Variants in TLCD3B observed in about 807,000 individuals in gnomAD.
TLCD3B encodes the protein TLC domain containing 3B, also known as ceramide synthase.
Under a neutral mutation model 23.0 loss-of-function variants are expected in TLCD3B, and 9 were observed. The observed-to-expected ratio is 0.39, with a 90% CI of 0.24 to 0.68. The LOEUF (loss-of-function observed/expected upper bound fraction) is 0.68. Ranked by LOEUF, TLCD3B falls within the 30% of genes least tolerant of loss-of-function variation. The probability of loss-of-function intolerance (pLI) is 0.44; values close to 1 mark genes in which losing one functional copy is unlikely to be tolerated. For missense variants in TLCD3B, 307 were observed against 371.8 expected (o/e 0.83, Z 1.43); for synonymous variants, 161 against 161.0 (o/e 1.00, Z 0.00).
At chr16:30,027,740 T>C (rs2071210921) in intron 2 of TLCD3B, 13 of 445,292 alleles carry the variant, frequency 2.9e-5, no homozygotes, top group Admixed American at 2.1e-4. Context: ...GTCAGCACAT[T>C]GGCAGTTTCT....
rs765786816 is a variant in TLCD3B at position 30,025,624 on chromosome 16, G to A, written c.540+102C>T. 9.5e-6 allele frequency: 14 copies of A among 1,469,784 alleles called. No individual in the cohort carries two copies. The African/African-American group carries it at 1.1e-4, about 12-fold the overall frequency. 91.0% of individuals were successfully genotyped at this position (1,469,784 alleles called of 1,614,324 possible). A position where few individuals can be genotyped will look rare whatever the true frequency, so the allele number is the denominator to read the frequency against. ...GTGCTCAAAATGCACGGGGTGAGGG[G>A]GGGATGACGAAGGGGCTAGAGCCCT... On this transcript the variant is annotated intron_variant, in intron 4 of 4. Transcript: ENST00000380495. The surrounding 1 kb of genome is among the most constrained non-coding windows in gnomAD (Gnocchi z 4.1).
In TLCD3B at chr16:30,024,951, C is replaced by T. The variant is rs2150970601; in HGVS notation, c.*232G>A. The T allele has an allele frequency of 4.3e-6, 2 of 467,598 alleles. No homozygotes were observed. Among genetic ancestry groups the T allele is most frequent in the East Asian group, 7.0e-5 (2 of 28,646 alleles). 29.0% of individuals were successfully genotyped at this position (467,598 alleles called of 1,614,324 possible). A position where few individuals can be genotyped will look rare whatever the true frequency, so the allele number is the denominator to read the frequency against. The stretch of plus-strand genomic sequence containing the variant: ...CTCAGTGGGTGGGAGGCGGTGCCCC[C>T]TCCCCTCCTCCAGCGCAAGGGTGTG... On this transcript the variant is annotated 3_prime_UTR_variant, in exon 5 of 5. Coordinates refer to ENST00000380495, the MANE Select transcript of TLCD3B (RefSeq NM_031478.6).
intron 3 of TLCD3B, among the ~76,000 whole-genome samples, chr16:30,037,328 GT>G (rs1240171352): frequency 1.3e-5 from 2 of 151,588 alleles, no homozygotes; most frequent in Non-Finnish European, 2.9e-5. Flanking sequence ...AGATCACGGG[GT>G]CAGGAGATCG....
intron 2 of TLCD3B, among the ~76,000 whole-genome samples, chr16:30,042,466 C>T (rs916045265): frequency 1.3e-5 from 2 of 152,070 alleles, no homozygotes; most frequent in African/African-American, 4.8e-5. Flanking sequence ...TCAAGTGATC[C>T]ACCCGCTTTG....
At chr16:30,036,779 G>C (rs2150989827) in intron 3 of TLCD3B, among the ~76,000 whole-genome samples, 1 of 152,296 alleles carries the variant, frequency 6.6e-6, no homozygotes, top group East Asian at 1.9e-4. Context: ...AAGAAAAGGA[G>C]AGGGGAAATA....
intron 1 of TLCD3B, among the ~76,000 whole-genome samples, chr16:30,047,606 G>A (rs948023608): frequency 1.3e-5 from 2 of 152,056 alleles, no homozygotes; most frequent in Non-Finnish European, 2.9e-5. Flanking sequence ...ACAGGTGAGA[G>A]CCACCACACC....
rs2071282317 is a variant in TLCD3B at position 30,029,393 on chromosome 16, C to A, written c.209+39G>T. On this transcript the variant is annotated intron_variant, in intron 2 of 4. Coordinates refer to ENST00000380495, the MANE Select transcript of TLCD3B (RefSeq NM_031478.6). The surrounding 1 kb of genome is among the most constrained non-coding windows in gnomAD (Gnocchi z 4.6). ...TCCGGGATTACCCGTACACGCCAAC[C>A]ACTGGCACCTGGGCAGGGGGGTGTC... The A allele has an allele frequency of 6.3e-7, 1 of 1,580,096 alleles. No homozygotes were observed. The highest frequency in any genetic ancestry group is 1.3e-5 in the African/African-American group (1 of 74,210).
intron 3 of TLCD3B, among the ~76,000 whole-genome samples, chr16:30,039,200 C>T (rs76568151): frequency 2.1e-5 from 3 of 146,178 alleles, no homozygotes; most frequent in Non-Finnish European, 3.0e-5. Flanking sequence ...CTCAGCTTAC[C>T]GCAAACGTCG....
chr16:30,026,864 G>T, intron 2 of TLCD3B, 21 bp from the exon 3 acceptor site: 1 of 1,606,136 alleles, frequency 6.2e-7, no homozygotes, highest in Non-Finnish European at 8.5e-7. Flanking sequence ...GAGAGACGGG[G>T]TGGGGGAGCA....
rs922447215 is a variant in TLCD3B, at chr16:30,024,437, G to A, written c.*746C>T. On this transcript the variant is annotated 3_prime_UTR_variant, in exon 5 of 5. Transcript: ENST00000380495. ...TGGCAAGGGCCTTGGTGGCGTTCAC[G>A]CAGATCGTCTTTTATTAGCGGTCTG... 1.6e-5 allele frequency: 11 copies of A among 678,010 alleles called. No individual in the cohort carries two copies. Among genetic ancestry groups the A allele is most frequent in the African/African-American group, 7.2e-5 (4 of 55,302 alleles). The allele number at this position is 678,010 out of a possible 1,614,324, so 42.0% of individuals were successfully genotyped here.
At chr16:30,041,597 C>A (rs1236250599) in intron 2 of TLCD3B, among the ~76,000 whole-genome samples, 1 of 151,666 alleles carries the variant, frequency 6.6e-6, no homozygotes, top group African/African-American at 2.4e-5. Flanking sequence ...TGGTGGGTGC[C>A]TGTAGTCCCA....
chr16:30,027,506 A>C, intron 2 of TLCD3B: 1 of 448,766 alleles, frequency 2.2e-6, no homozygotes, highest in South Asian at 1.6e-5. Context: ...GAGAGGCATC[A>C]GAGACAGACC....
At chr16:30,048,582 C>G (rs1251343025) in intron 1 of TLCD3B, among the ~76,000 whole-genome samples, 1 of 151,908 alleles carries the variant, frequency 6.6e-6, no homozygotes, top group Non-Finnish European at 1.5e-5. Flanking sequence ...TATACTGTGG[C>G]AGAACTAGAA....
In TLCD3B at chr16:30,024,626, G is replaced by A. The variant is rs1047692372; in HGVS notation, c.*557C>T. The A allele has an allele frequency of 5.2e-5, 13 of 248,566 alleles. No individual in the cohort carries two copies. The highest frequency in any genetic ancestry group is 2.9e-4 in the African/African-American group (13 of 44,620). 15.4% of individuals were successfully genotyped at this position (248,566 alleles called of 1,614,324 possible). A position where few individuals can be genotyped will look rare whatever the true frequency, so the allele number is the denominator to read the frequency against. ...TTGTCAGCACTGGGAAGGCTTGGGG[G>A]TAGCAGCCACCTCCTTCCCCCAACC... On this transcript the variant is annotated 3_prime_UTR_variant, in exon 5 of 5. Transcript: ENST00000380495.
Position 30,029,694 on chromosome 16 carries a change from G to C in TLCD3B, c.126-179C>G, listed in dbSNP as rs1304959261. Among the ~76,000 whole-genome samples, 1 of 152,222 alleles carries C rather than the reference G, an allele frequency of 6.6e-6. No homozygotes were observed. Among genetic ancestry groups the C allele is most frequent in the Non-Finnish European group, 1.5e-5 (1 of 68,032 alleles). ...TGTGCCCCACCACAGGTACCTCACG[G>C]CTCTCCGGCCCGCTCGGCTGCTGTT... On this transcript the variant is annotated intron_variant, in intron 1 of 4. Transcript: ENST00000380495. This position sits in a 1 kb window ranked among gnomAD's most constrained non-coding sequence, Gnocchi z 4.6.
chr16:30,037,974 C>T (rs540709528), intron 3 of TLCD3B, among the ~76,000 whole-genome samples: 2 of 152,174 alleles, frequency 1.3e-5, no homozygotes, highest in Admixed American at 6.6e-5. Context: ...ATCTGAACAG[C>T]GTTTAACTTG....
chr16:30,024,948 C>A lies in TLCD3B; in HGVS notation c.*235G>T, dbSNP rs1021106177. The A allele has an allele frequency of 6.5e-6, 3 of 463,074 alleles. No individual in the cohort carries two copies. The highest frequency in any genetic ancestry group is 7.0e-5 in the East Asian group (2 of 28,370). 28.7% of individuals were successfully genotyped at this position (463,074 alleles called of 1,614,324 possible). A position where few individuals can be genotyped will look rare whatever the true frequency, so the allele number is the denominator to read the frequency against. Reference sequence around the variant, plus strand: ...GCCCTCAGTGGGTGGGAGGCGGTGCCCCCTCCCCTCCTCCAGCGCAAGGGT... The same window carrying A: ...GCCCTCAGTGGGTGGGAGGCGGTGCACCCTCCCCTCCTCCAGCGCAAGGGT... On this transcript the variant is annotated 3_prime_UTR_variant, in exon 5 of 5. Transcript: ENST00000380495.
intron 1 of TLCD3B, among the ~76,000 whole-genome samples, chr16:30,047,203 C>T (rs2071687735): frequency 6.6e-6 from 1 of 152,168 alleles, no homozygotes; most frequent in African/African-American, 2.4e-5. Flanking sequence ...CTAGCGCAAT[C>T]TCGGCTCATT....
chr16:30,040,147 A>AAAAAATATATATATATATATATATAT, intron 3 of TLCD3B, among the ~76,000 whole-genome samples: 1 of 95,894 alleles, frequency 1.0e-5, no homozygotes, highest in African/African-American at 4.3e-5. Flanking sequence ...AAAAAAAAAA[A>AAAAAATATATATATATATATATATAT]ATATATATAT....
Sources: gnomAD v4.1 joint callset for allele counts (sites outside exome capture counted in the v4.1 genomes callset) on GRCh38, gnomAD v4.1.1 for gene constraint, Gnocchi (gnomAD v3.1) non-coding constraint, MANE v1.5 for transcripts, NCBI Gene and HGNC (gene_info 2026-07-23, HGNC 2026-07-21) for gene names.